The following SYCE1L variants were observed in gnomAD, a reference collection of about 807,000 sequenced individuals.
The protein encoded by SYCE1L is synaptonemal complex central element protein 1-like.
SYCE1L carries 51 observed loss-of-function variants against 39.6 expected under a neutral mutation model. That is an observed-to-expected ratio of 1.29 (90% CI 1.03 to 1.63). SYCE1L has a LOEUF of 1.63. Among genes scored for constraint, SYCE1L ranks in the 40% most tolerant of loss-of-function variants. The pLI is 0.00. For missense variants in SYCE1L, 426 were observed against 304.9 expected (o/e 1.40, Z -2.96); for synonymous variants, 147 against 122.4 (o/e 1.20, Z -1.33).
Position 77,213,118 on chromosome 16 carries a change from A to C in SYCE1L, c.*187A>C, listed in dbSNP as rs1485090230. 1.9e-6 allele frequency: 1 copy of C among 519,478 alleles called. No individual in the cohort carries two copies. Among genetic ancestry groups the C allele is most frequent in the African/African-American group, 2.0e-5 (1 of 50,696 alleles). 32.2% of individuals were successfully genotyped at this position (519,478 alleles called of 1,614,324 possible). On this transcript the variant is annotated 3_prime_UTR_variant, in exon 11 of 11. Transcript: ENST00000378644. ...CCACCAGTCGAGCCCCGGGCGCCGT[A>C]CAGAGGCTGGGTAAATGCTCCTGAA...
rs1194194238 is a variant in SYCE1L, at chr16:77,208,196, C to G, written c.122-14C>G. On this transcript the variant is annotated splice_polypyrimidine_tract_variant and intron_variant, in intron 2 of 10. Transcript: ENST00000378644. ...GTCTTCTCTGGCTCACTCTTTCTTC[C>G]TTTCTTTCTTCAGAGGGAAGCCTGG... is the stretch of plus-strand genomic sequence containing the variant. 1.3e-6 allele frequency: 2 copies of G among 1,550,794 alleles called. No individual in the cohort carries two copies. Among genetic ancestry groups the G allele is most frequent in the South Asian group, 2.4e-5 (2 of 83,988 alleles).
In SYCE1L at chr16:77,211,252, G is replaced by C. The variant is rs769488941; in HGVS notation, c.399G>C (p.Gln133His). The C allele has an allele frequency of 2.6e-6, 4 of 1,551,940 alleles. No homozygotes were observed. The East Asian group carries it at 7.3e-5, about 28-fold the overall frequency. Residue 133 changes from glutamine to histidine, a missense_variant, in exon 7 of 11, where the codon CAG (glutamine) becomes CAC (histidine). Physicochemically the swap from Gln to His is conservative, Grantham distance 24. Coordinates refer to ENST00000378644, the MANE Select transcript of SYCE1L (RefSeq NM_001129979.3). ...VRGQLEDLMGQHKDLWEFHML... is the reference protein window; with the variant it reads ...VRGQLEDLMGHHKDLWEFHML... The stretch of plus-strand genomic sequence containing the variant: ...GACAGCTGGAGGATCTGATGGGCCA[G>C]CACAAGGACCTCTGGGAATTCCACG...
chr16:77,205,904 T>TA (rs2054782783), intron 1 of SYCE1L, among the ~76,000 whole-genome samples: 1 of 151,962 alleles, frequency 6.6e-6, no homozygotes, highest in South Asian at 2.1e-4. Flanking sequence ...CTCTCTATAT[T>TA]AAAAATAAAA....
At chr16:77,207,017 C>T (rs1452748258) in intron 2 of SYCE1L, among the ~76,000 whole-genome samples, 1 of 152,172 alleles carries the variant, frequency 6.6e-6, no homozygotes, top group African/African-American at 2.4e-5. Context: ...TCAGTCTATT[C>T]CAAACAAAAG....
At chr16:77,202,748 T>C (rs899016983) in intron 1 of SYCE1L, among the ~76,000 whole-genome samples, 1 of 152,160 alleles carries the variant, frequency 6.6e-6, no homozygotes, top group Non-Finnish European at 1.5e-5. Flanking sequence ...GGGAATAAAA[T>C]GTCAAGAAGC....
At chr16:77,211,417 C>T (rs921969100) in intron 7 of SYCE1L, 141 bp downstream of exon 7, 5 of 984,370 alleles carry the variant, frequency 5.1e-6, no homozygotes, top group Non-Finnish European at 7.8e-6. Flanking sequence ...CCCACCTATT[C>T]AGTCCCTCAG....
chr16:77,201,888 G>A (rs2054747426), intron 1 of SYCE1L: 1 of 152,162 alleles, frequency 6.6e-6, no homozygotes, highest in Non-Finnish European at 1.5e-5. Context: ...ATTTTTATTA[G>A]AGACAAGCCA....
At position 77,199,442 on chromosome 16, in the gene SYCE1L, G is replaced by C; in HGVS notation, c.-10G>C. ...CAAGCGAGGCTCGCGCGCAGGCCCCGCGTTGGAAAATGGCGGGGAAGCTGA... is the reference window on the plus strand; with the variant it reads ...CAAGCGAGGCTCGCGCGCAGGCCCCCCGTTGGAAAATGGCGGGGAAGCTGA... On this transcript the variant is annotated 5_prime_UTR_variant, in exon 1 of 11. Transcript: ENST00000378644. 1.3e-6 allele frequency: 2 copies of C among 1,551,460 alleles called. No homozygotes were observed. The highest frequency in any genetic ancestry group is 1.7e-6 in the Non-Finnish European group (2 of 1,146,960).
chr16:77,205,433 A>AATATATATATAT (rs145238524), intron 1 of SYCE1L, among the ~76,000 whole-genome samples: 3 of 145,262 alleles, frequency 2.1e-5, no homozygotes, highest in African/African-American at 7.5e-5. Context: ...CATAGAAGTA[A>AATATATATATAT]ATATATATAT....
At chr16:77,212,438 C>T in intron 9 of SYCE1L, 69 bp downstream of exon 9, 2 of 1,535,272 alleles carry the variant, frequency 1.3e-6, no homozygotes, top group South Asian at 1.2e-5. Flanking sequence ...CCCAGGTCCC[C>T]CGCTCCGCCC....
intron 1 of SYCE1L, chr16:77,199,735 G>A (rs370319057): frequency 2.1e-6 from 1 of 472,396 alleles, no homozygotes; most frequent in East Asian, 3.4e-5. Context: ...CAACTGTAGT[G>A]TATACGTTGT....
chr16:77,199,573 T>G, intron 1 of SYCE1L, 61 bp downstream of exon 1: 1 of 1,239,966 alleles, frequency 8.1e-7, no homozygotes, highest in Non-Finnish European at 1.1e-6. Flanking sequence ...GGAGGGAGGA[T>G]TCGTCCCATT....
chr16:77,213,026 T>C lies in SYCE1L; in HGVS notation c.*95T>C. On this transcript the variant is annotated 3_prime_UTR_variant, in exon 11 of 11. Coordinates refer to ENST00000378644, the MANE Select transcript of SYCE1L (RefSeq NM_001129979.3). Reference sequence around the variant, plus strand: ...CCATGCTCGCGTTCTCCGCGGAGTCTGTGCTACACCGTGGAGCGGGGCGGG... The same window carrying C: ...CCATGCTCGCGTTCTCCGCGGAGTCCGTGCTACACCGTGGAGCGGGGCGGG... The C allele has an allele frequency of 8.2e-7, 1 of 1,217,752 alleles. No homozygotes were observed. Among genetic ancestry groups the C allele is most frequent in the South Asian group, 2.1e-5 (1 of 47,580 alleles). The allele number at this position is 1,217,752 out of a possible 1,614,324, so 75.4% of individuals were successfully genotyped here.
intron 9 of SYCE1L, 67 bp from the exon 10 acceptor site, chr16:77,212,507 G>A: frequency 6.5e-7 from 1 of 1,538,728 alleles, no homozygotes; most frequent in Non-Finnish European, 8.7e-7. Context: ...CCGCGTCTCG[G>A]TGGCTTCCTC....
chr16:77,201,694 T>C (rs1483908060), intron 1 of SYCE1L: 1 of 152,100 alleles, frequency 6.6e-6, no homozygotes, highest in Admixed American at 6.6e-5. Flanking sequence ...GTCACAGAAA[T>C]TGCTAAGTCT....
intron 1 of SYCE1L, among the ~76,000 whole-genome samples, chr16:77,205,646 T>C (rs1207673625): frequency 1.3e-5 from 2 of 152,142 alleles, no homozygotes; most frequent in African/African-American, 4.8e-5. Flanking sequence ...CCACGTGATG[T>C]TGAGCACATC....
chr16:77,201,660 G>A (rs1163121416), intron 1 of SYCE1L: 1 of 152,148 alleles, frequency 6.6e-6, no homozygotes, highest in East Asian at 1.9e-4. Flanking sequence ...CTGGAGTGTT[G>A]ATGTAGGCAC....
intron 9 of SYCE1L, 88 bp downstream of exon 9, chr16:77,212,457 C>CGCTT: frequency 6.5e-7 from 1 of 1,537,962 alleles, no homozygotes; most frequent in Non-Finnish European, 8.8e-7. Flanking sequence ...CCCCGACTGC[C>CGCTT]GCTTCCCCGG....
At chr16:77,210,065 CTCA>C (rs1479361592) in intron 6 of SYCE1L, among the ~76,000 whole-genome samples, 1 of 152,164 alleles carries the variant, frequency 6.6e-6, no homozygotes, top group Non-Finnish European at 1.5e-5. Context: ...TATTCCTCTA[CTCA>C]TCATTTCTCC....
Sources: gnomAD v4.1 joint callset for allele counts (sites outside exome capture counted in the v4.1 genomes callset) on GRCh38, gnomAD v4.1.1 for gene constraint, MANE v1.5 for transcripts, NCBI Gene and HGNC (gene_info 2026-07-23, HGNC 2026-07-21) for gene names.